ADCY3: variants seen among roughly 807,000 people sequenced by gnomAD.
ADCY3 encodes the protein adenylate cyclase 3.
A neutral mutation model predicts 119.4 loss-of-function variants in ADCY3; 70 were observed. That is an observed-to-expected ratio of 0.59 (90% confidence interval 0.48 to 0.72). The LOEUF (loss-of-function observed/expected upper bound fraction) is 0.72, where lower values mean the gene tolerates loss of function less well. ADCY3 is among the 30% of genes least tolerant of loss of function. The pLI is 0.00. For synonymous variants in ADCY3, 672 were observed against 621.4 expected (o/e 1.08, Z -1.21); for missense variants, 1,238 against 1,541.6 (o/e 0.80, Z 3.30).
intron 19 of ADCY3, chr2:24,822,274 A>C (rs1558397047): frequency 4.2e-6 from 2 of 471,674 alleles, no homozygotes; most frequent in East Asian, 7.7e-5. Flanking sequence ...TGGCCACAGA[A>C]CACAACCATC....
chr2:24,879,452 CAAAAAAAA>C (rs34029858), intron 2 of ADCY3, among the ~76,000 whole-genome samples: 9 of 66,084 alleles, frequency 1.4e-4, no homozygotes, highest in Admixed American at 3.6e-4. Flanking sequence ...GACTCTGTCT[CAAAAAAAA>C]AAAAAAAAAA....
chr2:24,893,212 A>T (rs1677901154), intron 2 of ADCY3, among the ~76,000 whole-genome samples: 3 of 151,914 alleles, frequency 2.0e-5, no homozygotes, highest in Non-Finnish European at 4.4e-5. Flanking sequence ...TTTTAAAAAA[A>T]TTTTTTGTAG....
In ADCY3 at chr2:24,841,262, A is replaced by C. The variant is rs1670974116; in HGVS notation, c.1193T>G (p.Ile398Ser). 6.4e-7 allele frequency: 1 copy of C among 1,558,158 alleles called. No individual in the cohort carries two copies. The change falls in exon 6 of 22, where the codon ATC (isoleucine) becomes AGC (serine). Residue 398 changes from isoleucine to serine, a missense_variant. Transcript: ENST00000679454. This position sits in a 1 kb window ranked among gnomAD's most constrained non-coding sequence, Gnocchi z 5.8. ...CTCCCAGAGGCATCCCACTTACGAG[A>C]TGGCCTCCACCATGGCCAGCCCCAT... The part of the protein sequence containing the change: ...ILMGLAMVEA[I>S]SYVREKTKTG...
chr2:24,824,338 A>AC, intron 17 of ADCY3, 40 bp downstream of exon 17: 1 of 1,605,942 alleles, frequency 6.2e-7, no homozygotes. Context: ...AGATGGAGAC[A>AC]AATGGCCTCA....
At chr2:24,827,839 A>T in intron 14 of ADCY3, 63 bp downstream of exon 14, 6 of 1,601,624 alleles carry the variant, frequency 3.7e-6, no homozygotes, top group Non-Finnish European at 5.1e-6. Flanking sequence ...ATGAGCTTGA[A>T]CTGAGGACTT....
At chr2:24,835,681 A>G (rs755876941) in intron 9 of ADCY3, among the ~76,000 whole-genome samples, 46 of 152,272 alleles carry the variant, frequency 3.0e-4, no homozygotes, top group Non-Finnish European at 5.7e-4. Context: ...CACGCCTGTC[A>G]TCCCAGCACT....
intron 2 of ADCY3, among the ~76,000 whole-genome samples, chr2:24,902,559 T>C (rs1054133406): frequency 2.6e-5 from 4 of 152,142 alleles, no homozygotes; most frequent in African/African-American, 9.7e-5. Context: ...CACACCATAG[T>C]TGGCCCTTGA....
chr2:24,838,861 C>G, intron 7 of ADCY3: 1 of 1,603,346 alleles, frequency 6.2e-7, no homozygotes, highest in South Asian at 1.1e-5. Flanking sequence ...ATCTCAGCCT[C>G]AGTGTTGGAG....
At chr2:24,859,177 T>G (rs1301470930) in intron 3 of ADCY3, among the ~76,000 whole-genome samples, 1 of 152,060 alleles carries the variant, frequency 6.6e-6, no homozygotes, top group Non-Finnish European at 1.5e-5. Flanking sequence ...ATGCTGGGGG[T>G]GGGGACGTGT....
Position 24,833,343 on chromosome 2 carries a change from G to A in ADCY3, c.1967+1142C>T, listed in dbSNP as rs1377684439. Among the ~76,000 whole-genome samples the A allele has an allele frequency of 2.0e-5, 3 of 152,208 alleles. No individual in the cohort carries two copies. The South Asian group carries it at 6.2e-4, about 31-fold the overall frequency. Reference sequence around the variant, plus strand: ...TCCTCACTGTGCCTCCAGGGGCCAGGCCACTCCAGCCTCAGCACCTCTATC... The same window carrying A: ...TCCTCACTGTGCCTCCAGGGGCCAGACCACTCCAGCCTCAGCACCTCTATC... On this transcript the variant is annotated intron_variant, in intron 11 of 21. Transcript: ENST00000679454.
At chr2:24,886,143 C>T (rs538494746) in intron 2 of ADCY3, among the ~76,000 whole-genome samples, 1 of 152,372 alleles carries the variant, frequency 6.6e-6, no homozygotes, top group South Asian at 2.1e-4. Flanking sequence ...AGGGCAGGGA[C>T]GACATCTGTC....
At chr2:24,850,732 CTG>C (rs556230708) in intron 3 of ADCY3, among the ~76,000 whole-genome samples, 2 of 152,210 alleles carry the variant, frequency 1.3e-5, no homozygotes, top group South Asian at 2.1e-4. Context: ...GTGGAAAAAA[CTG>C]TAAGTCGCCC....
chr2:24,904,384 G>T (rs576282914), intron 2 of ADCY3, among the ~76,000 whole-genome samples: 1 of 152,146 alleles, frequency 6.6e-6, no homozygotes, highest in South Asian at 2.1e-4. Flanking sequence ...ACAAAAATTT[G>T]CCAGGTGTGG....
Position 24,820,852 on chromosome 2 carries a change from G to A in ADCY3, c.3128-4C>T, listed in dbSNP as rs750286726. 2.5e-6 allele frequency: 4 copies of A among 1,613,748 alleles called. No individual in the cohort carries two copies. In the Admixed American group the frequency reaches 5.0e-5, roughly 20 times the overall value. On this transcript the variant is annotated splice_polypyrimidine_tract_variant and splice_region_variant and intron_variant, in intron 20 of 21. Coordinates refer to ENST00000679454, the MANE Select transcript of ADCY3 (RefSeq NM_004036.5). ...AGAACCCCGCCTTTGTTCATGCCTA[G>A]GGTAGAGGCATAAAGTTCAGCACAG...
At chr2:24,911,641 A>ACACACACAC (rs1459604524) in intron 2 of ADCY3, among the ~76,000 whole-genome samples, 1,312 of 58,070 alleles carry the variant, frequency 0.023, 31 homozygotes, top group African/African-American at 0.069. Context: ...CAGACTCAAA[A>ACACACACAC]AAAAAAAAAA....
chr2:24,845,765 C>A (rs564282250), intron 3 of ADCY3, among the ~76,000 whole-genome samples: 1 of 152,216 alleles, frequency 6.6e-6, no homozygotes, highest in Admixed American at 6.5e-5. Context: ...ATGTCAGAGA[C>A]CTTTGCGGCA....
chr2:24,827,013 G>T (rs1403881247), intron 15 of ADCY3, among the ~76,000 whole-genome samples: 1 of 152,136 alleles, frequency 6.6e-6, no homozygotes, highest in Non-Finnish European at 1.5e-5. Context: ...TTTATTAGTG[G>T]CCATTTAGAG....
At chr2:24,850,038 C>T (rs867765186) in intron 3 of ADCY3, among the ~76,000 whole-genome samples, 4 of 152,044 alleles carry the variant, frequency 2.6e-5, no homozygotes, top group African/African-American at 4.8e-5. Flanking sequence ...TTCCTCTTCT[C>T]GGTACCCCTC....
intron 3 of ADCY3, among the ~76,000 whole-genome samples, chr2:24,846,472 T>A (rs1220202776): frequency 6.6e-6 from 1 of 152,206 alleles, no homozygotes; most frequent in African/African-American, 2.4e-5. Flanking sequence ...CAGACTTGCA[T>A]GGGGCCTGTA....
Sources: allele counts gnomAD v4.1 joint callset (sites outside exome capture counted in the v4.1 genomes callset), GRCh38; gene constraint gnomAD v4.1.1; non-coding constraint Gnocchi (gnomAD v3.1); transcripts MANE v1.5; gene names NCBI Gene and HGNC (gene_info 2026-07-23, HGNC 2026-07-21).